Variants in RIMS2 observed in about 807,000 individuals in gnomAD.
The protein encoded by RIMS2 is regulating synaptic membrane exocytosis 2.
RIMS2 carries 59 observed loss-of-function variants against 174.4 expected under a neutral mutation model. That is an observed-to-expected ratio of 0.34 (90% CI 0.27 to 0.42). The LOEUF (loss-of-function observed/expected upper bound fraction) is 0.42, where lower values mean the gene tolerates loss of function less well. Ranked by LOEUF, RIMS2 falls within the 10% of genes least tolerant of loss-of-function variation. RIMS2 has a pLI of 1.00. For synonymous variants in RIMS2, 606 were observed against 572.5 expected, an observed-to-expected ratio of 1.06 and a Z score of -0.84; for missense variants, 1,620 against 1,666.3, an observed-to-expected ratio of 0.97 and a Z score of 0.48.
At chr8:103,735,176 A>G (rs1369634237) in intron 2 of RIMS2, among the ~76,000 whole-genome samples, 1 of 152,092 alleles carries the variant, frequency 6.6e-6, no homozygotes, top group Non-Finnish European at 1.5e-5. Flanking sequence ...CTTTCTCCTC[A>G]AAGAGCCTTG....
chr8:103,631,807 G>A (rs945072651), intron 1 of RIMS2, among the ~76,000 whole-genome samples: 2 of 152,146 alleles, frequency 1.3e-5, no homozygotes, highest in Non-Finnish European at 2.9e-5. Flanking sequence ...ATTTCGTTGA[G>A]CAGTGTTTTG....
chr8:103,737,893 C>A (rs184312310), intron 2 of RIMS2, among the ~76,000 whole-genome samples: 1 of 152,162 alleles, frequency 6.6e-6, no homozygotes. Context: ...ATCAACATCA[C>A]CTACTCTCAT....
chr8:104,014,559 C>G (rs781230344), exon 19 of RIMS2: 28 of 1,613,288 alleles, frequency 1.7e-5, no homozygotes, highest in Non-Finnish European at 2.2e-5. Flanking sequence ...ACTCCAGTCG[C>G]AGGACGAAGG....
chr8:103,820,683 G>A (rs1442214104), intron 3 of RIMS2, among the ~76,000 whole-genome samples: 1 of 151,714 alleles, frequency 6.6e-6, no homozygotes, highest in Admixed American at 6.6e-5. Flanking sequence ...TTGAAAATGG[G>A]ATAACATATC....
chr8:103,545,324 A>G (rs1844485954), intron 1 of RIMS2, among the ~76,000 whole-genome samples: 1 of 152,132 alleles, frequency 6.6e-6, no homozygotes, highest in Non-Finnish European at 1.5e-5. Context: ...GAAATTAAAA[A>G]CAAAAAAAAA....
intron 19 of RIMS2, among the ~76,000 whole-genome samples, chr8:104,182,434 G>A (rs1200478216): frequency 6.6e-6 from 1 of 151,726 alleles, no homozygotes; most frequent in Non-Finnish European, 1.5e-5. Context: ...AGTTTTTAGT[G>A]TACTCAGAGA....
At chr8:103,929,897 G>T (rs1044852819) in intron 11 of RIMS2, among the ~76,000 whole-genome samples, 1 of 151,782 alleles carries the variant, frequency 6.6e-6, no homozygotes, top group Non-Finnish European at 1.5e-5. Flanking sequence ...CTAAGGCAGT[G>T]GTTCTCAAAT....
At chr8:103,519,726 T>A (rs1034743478) in intron 1 of RIMS2, among the ~76,000 whole-genome samples, 2 of 140,890 alleles carry the variant, frequency 1.4e-5, no homozygotes, top group Non-Finnish European at 3.1e-5. Context: ...TTTTCGTGGC[T>A]TTACTACTTT....
chr8:103,734,317 CTT>C (rs752360759), intron 2 of RIMS2, among the ~76,000 whole-genome samples: 17,178 of 121,598 alleles, frequency 0.14, 1,135 homozygotes, highest in Middle Eastern at 0.29. Flanking sequence ...GGCCTAAAAG[CTT>C]TTTTTTTTTT....
At chr8:103,503,432 T>G (rs1821604552) in intron 1 of RIMS2, among the ~76,000 whole-genome samples, 1 of 151,946 alleles carries the variant, frequency 6.6e-6, no homozygotes, top group Non-Finnish European at 1.5e-5. Flanking sequence ...GGTATTAAAT[T>G]ACAAATACAT....
intron 14 of RIMS2, among the ~76,000 whole-genome samples, chr8:103,943,535 G>A (rs1180949556): frequency 3.3e-5 from 5 of 152,032 alleles, no homozygotes; most frequent in Non-Finnish European, 7.4e-5. Flanking sequence ...ATAAACTGAT[G>A]TTATTATTAC....
At chr8:103,584,549 C>T (rs1410852408) in intron 1 of RIMS2, among the ~76,000 whole-genome samples, 1 of 151,974 alleles carries the variant, frequency 6.6e-6, no homozygotes, top group African/African-American at 2.4e-5. Flanking sequence ...ATAGTCAGTA[C>T]AAATTATTTA....
At chr8:103,623,263 G>T (rs1170177319) in intron 1 of RIMS2, among the ~76,000 whole-genome samples, 1 of 152,084 alleles carries the variant, frequency 6.6e-6, no homozygotes, top group Admixed American at 6.6e-5. Context: ...TAAAAATGGG[G>T]AGTACAATAG....
At chr8:104,114,085 T>C (rs76087139) in intron 19 of RIMS2, among the ~76,000 whole-genome samples, 1 of 152,038 alleles carries the variant, frequency 6.6e-6, no homozygotes, top group Non-Finnish European at 1.5e-5. Flanking sequence ...AATAAATTGT[T>C]CTGATATTAG....
intron 15 of RIMS2, among the ~76,000 whole-genome samples, chr8:103,962,928 G>C (rs993655653): frequency 8.6e-5 from 13 of 151,936 alleles, no homozygotes; most frequent in Non-Finnish European, 1.5e-4. Context: ...CAAAAATTAG[G>C]ATGATGGTAT....
intron 17 of RIMS2, among the ~76,000 whole-genome samples, chr8:104,010,999 CA>C (rs1423257260): frequency 6.6e-6 from 1 of 152,068 alleles, no homozygotes; most frequent in Non-Finnish European, 1.5e-5. Flanking sequence ...TGCTGCTATT[CA>C]AAATTAATTA....
chr8:103,594,541 C>T (rs2094409678), intron 1 of RIMS2, among the ~76,000 whole-genome samples: 1 of 151,696 alleles, frequency 6.6e-6, no homozygotes, highest in Non-Finnish European at 1.5e-5. Context: ...CTATATATTC[C>T]TCCCTGGGAG....
At chr8:103,808,196 C>T (rs1477273300) in intron 3 of RIMS2, among the ~76,000 whole-genome samples, 2 of 152,048 alleles carry the variant, frequency 1.3e-5, no homozygotes, top group African/African-American at 4.8e-5. Context: ...GAATATATAA[C>T]AGAGTTGATC....
At chr8:104,161,816 C>T (rs1451877955) in intron 19 of RIMS2, among the ~76,000 whole-genome samples, 1 of 152,354 alleles carries the variant, frequency 6.6e-6, no homozygotes, top group Non-Finnish European at 1.5e-5. Flanking sequence ...TTTCCAAGGT[C>T]ATTCAGTTGT....
Sources: gnomAD v4.1 joint callset for allele counts (sites outside exome capture counted in the v4.1 genomes callset) on GRCh38, gnomAD v4.1.1 for gene constraint, MANE v1.5 for transcripts, NCBI Gene and HGNC (gene_info 2026-07-23, HGNC 2026-07-21) for gene names.